The following TEX30 variants were observed in gnomAD, a reference collection of about 807,000 sequenced individuals.
The protein encoded by TEX30 is testis expressed 30, also known as testis-expressed protein 30.
TEX30 carries 14 observed loss-of-function variants against 23.8 expected under a neutral mutation model. That is an observed-to-expected ratio of 0.59 (90% CI 0.39 to 0.92). TEX30 has a LOEUF of 0.92. Among genes scored for constraint, TEX30 ranks in the 40% least tolerant of loss-of-function variants. The pLI is 0.00. For synonymous variants in TEX30, 78 were observed against 90.2 expected (o/e 0.87, Z 0.76); for missense variants, 246 against 270.6 (o/e 0.91, Z 0.64).
chr13:102,772,586 G>GT (rs1277562235), intron 1 of TEX30, among the ~76,000 whole-genome samples: 4 of 152,140 alleles, frequency 2.6e-5, no homozygotes, highest in African/African-American at 7.2e-5. Flanking sequence ...ATCTGGGTTT[G>GT]TTTTTTTGAG....
chr13:102,772,494 C>T (rs1233760835), intron 1 of TEX30, among the ~76,000 whole-genome samples: 1 of 152,154 alleles, frequency 6.6e-6, no homozygotes, highest in African/African-American at 2.4e-5. Flanking sequence ...GTGTTCTTCA[C>T]GGCAGCTGCA....
At position 102,769,000 on chromosome 13, in the gene TEX30, T is replaced by C. The variant is rs143109873; in HGVS notation, c.246+311A>G. On this transcript the variant is annotated intron_variant, in intron 3 of 5. Coordinates refer to ENST00000376032, the MANE Select transcript of TEX30 (RefSeq NM_138779.5). ...GTATCATATTTATACATGCATAGTA[T>C]GGTAGATGAAATATTCTAGAATGCC... 8.5e-3 allele frequency among the ~76,000 whole-genome samples: 1,292 copies of C among 152,330 alleles called. 6 individuals carry two copies. The highest frequency in any genetic ancestry group is 0.015 in the Non-Finnish European group (1,054 of 68,030).
Position 102,767,402 on chromosome 13 carries a change from C to T in TEX30, c.375G>A (p.Arg125=), listed in dbSNP as rs201119598. The part of the protein sequence containing the change: ...IEPDDGDDFV[R]GLICISYPLH... ...GTGGGTAAGAAATACAAATGAGACC[C>T]CGAACAAAATCATCACCATCATCTG... Residue 125 remains arginine, a synonymous_variant, in exon 5 of 6, where the codon CGG becomes CGA. Transcript: ENST00000376032. The T allele has an allele frequency of 3.0e-5, 48 of 1,614,164 alleles. No homozygotes were observed. Among genetic ancestry groups the T allele is most frequent in the Non-Finnish European group, 1.7e-6 (2 of 1,180,030 alleles).
chr13:102,769,156 G>A lies in TEX30; in HGVS notation c.246+155C>T, dbSNP rs550284012. ...AAACTGATGACAAGGGAAATCTGAC[G>A]ACTAAAAAGCTTTCATGTACTGCTG... On this transcript the variant is annotated intron_variant, in intron 3 of 5. Transcript: ENST00000376032. 9.9e-5 allele frequency among the ~76,000 whole-genome samples: 15 copies of A among 152,254 alleles called. No individual in the cohort carries two copies. The South Asian group carries it at 1.0e-3, about 11-fold the overall frequency.
In TEX30 at chr13:102,769,903, T is replaced by C. The variant is rs1199426003; in HGVS notation, c.15+109A>G. On this transcript the variant is annotated intron_variant, in intron 2 of 5. Transcript: ENST00000376032. The stretch of plus-strand genomic sequence containing the variant: ...TCCTCGCTCTTAACCACTTATGCTA[T>C]ACTGCCTCCCACAGTGAAAGTTGAA... 4.1e-6 allele frequency: 4 copies of C among 979,540 alleles called. No homozygotes were observed. The African/African-American group carries it at 5.0e-5, about 12-fold the overall frequency. The allele number at this position is 979,540 out of a possible 1,614,324, so 60.7% of individuals were successfully genotyped here. A position where few individuals can be genotyped will look rare whatever the true frequency, so the allele number is the denominator to read the frequency against.
chr13:102,767,430 T>G lies in TEX30; in HGVS notation c.347A>C (p.Glu116Ala). ...RAAASVMCHI[E>A]PDDGDDFVRG... The stretch of plus-strand genomic sequence containing the variant: ...AACAAAATCATCACCATCATCTGGC[T>G]CAATGTGACACATTACAGAAGCAGC... Residue 116 changes from glutamate (E) to alanine (A), a missense_variant, in exon 5 of 6, where the codon GAG becomes GCG. Transcript: ENST00000376032. 6.2e-7 allele frequency: 1 copy of G among 1,614,158 alleles called. No individual in the cohort carries two copies. Among genetic ancestry groups the G allele is most frequent in the Non-Finnish European group, 8.5e-7 (1 of 1,180,026 alleles).
At position 102,769,415 on chromosome 13, in the gene TEX30, T is replaced by G. The variant is rs1253019025; in HGVS notation, c.142A>C (p.Met48Leu). ...ASGDMNLPHL[M>L]SLASHLASHG... The stretch of plus-strand genomic sequence containing the variant: ...GATGCAAGATGGGATGCCAGTGACA[T>G]CAAATGAGGAAGATTCATATCTCCT... The change falls in exon 3 of 6, where the codon ATG (methionine) becomes CTG (leucine). Residue 48 changes from methionine (M) to leucine (L), a missense_variant. By Grantham distance (15) the Met-to-Leu change is conservative (BLOSUM62 2). Coordinates refer to ENST00000376032, the MANE Select transcript of TEX30 (RefSeq NM_138779.5). 11 of 1,610,992 alleles carry G rather than the reference T, an allele frequency of 6.8e-6. No homozygotes were observed. The highest frequency in any genetic ancestry group is 9.3e-6 in the Non-Finnish European group (11 of 1,179,008).
At chr13:102,773,212 T>G (rs979262119) in intron 1 of TEX30, among the ~76,000 whole-genome samples, 8 of 152,162 alleles carry the variant, frequency 5.3e-5, no homozygotes, top group Non-Finnish European at 1.2e-4. Context: ...GTCCGAGTCT[T>G]ACGGGGGGTC....
Position 102,769,470 on chromosome 13 carries a change from T to C in TEX30, c.87A>G (p.Thr29=), listed in dbSNP as rs773784543. 3.1e-6 allele frequency: 5 copies of C among 1,611,938 alleles called. No individual in the cohort carries two copies. The highest frequency in any genetic ancestry group is 4.2e-6 in the Non-Finnish European group (5 of 1,179,370). ...AVCLVPNKSL[T]YGIILTHGAS... ...CTCCATGTGTAAGAATTATTCCATATGTTAAGCTCTTGTTAGGTACCAAAC... is the reference window on the plus strand; with the variant it reads ...CTCCATGTGTAAGAATTATTCCATACGTTAAGCTCTTGTTAGGTACCAAAC... Residue 29 remains threonine (T), a synonymous_variant, in exon 3 of 6, where the codon ACA becomes ACG. Transcript: ENST00000376032.
At chr13:102,768,200 C>T in intron 4 of TEX30, 60 bp downstream of exon 4, 2 of 1,339,862 alleles carry the variant, frequency 1.5e-6, no homozygotes, top group Admixed American at 4.5e-5. Context: ...TTTAATTCTC[C>T]ATTACCTATT....
chr13:102,768,207 T>G, intron 4 of TEX30, 53 bp downstream of exon 4: 29 of 1,388,150 alleles, frequency 2.1e-5, no homozygotes, highest in Non-Finnish European at 2.9e-5. Context: ...CTCCATTACC[T>G]ATTCCTATAT....
intron 3 of TEX30, among the ~76,000 whole-genome samples, chr13:102,769,055 A>C (rs1877108116): frequency 6.6e-6 from 1 of 152,228 alleles, no homozygotes; most frequent in Non-Finnish European, 1.5e-5. Flanking sequence ...ACATAATTCC[A>C]GGGAGAAAAA....
At chr13:102,770,141 A>G (rs550834213) in intron 1 of TEX30, 55 bp from the exon 2 acceptor site, 3 of 598,766 alleles carry the variant, frequency 5.0e-6, no homozygotes, top group Non-Finnish European at 7.7e-6. Flanking sequence ...ATATGACACA[A>G]AAACTATGAA....
chr13:102,771,942 C>A (rs941740310), intron 1 of TEX30, among the ~76,000 whole-genome samples: 2 of 152,212 alleles, frequency 1.3e-5, no homozygotes, highest in Non-Finnish European at 2.9e-5. Flanking sequence ...TTTGAAGATT[C>A]TGTGGTTAAT....
Position 102,772,358 on chromosome 13 carries a change from G to C in TEX30, c.-61+1324C>G, listed in dbSNP as rs536188798. On this transcript the variant is annotated intron_variant, in intron 1 of 5. Transcript: ENST00000376032. ...ACGAGGGTCTCCCTATGTTTCGCAG[G>C]CTGGTCTTGAACTCCCGGGCTCAAG... is the stretch of plus-strand genomic sequence containing the variant. Among the ~76,000 whole-genome samples, 15 of 152,188 alleles carry C rather than the reference G, an allele frequency of 9.9e-5. No individual in the cohort carries two copies. The East Asian group carries it at 2.9e-3, about 29-fold the overall frequency.
At chr13:102,772,353 C>T (rs1306381527) in intron 1 of TEX30, among the ~76,000 whole-genome samples, 3 of 152,126 alleles carry the variant, frequency 2.0e-5, no homozygotes, top group African/African-American at 4.8e-5. Context: ...CCCTATGTTT[C>T]GCAGGCTGGT....
At chr13:102,770,709 G>A (rs1347032696) in intron 1 of TEX30, 1 of 152,122 alleles carries the variant, frequency 6.6e-6, no homozygotes, top group Non-Finnish European at 1.5e-5. Flanking sequence ...GCTCTAGGTG[G>A]TTTTGCATTT....
chr13:102,773,739 G>A lies in TEX30; in HGVS notation c.-118C>T, dbSNP rs1178250860. 6.6e-6 allele frequency: 1 copy of A among 152,120 alleles called. No homozygotes were observed. The highest frequency in any genetic ancestry group is 2.4e-5 in the African/African-American group (1 of 41,432). 9.4% of individuals were successfully genotyped at this position (152,120 alleles called of 1,614,324 possible). A position where few individuals can be genotyped will look rare whatever the true frequency, so the allele number is the denominator to read the frequency against. ...CCGCCGTCACTCCCTTCAGGGAGCTGACTAGCGCGCTCGAAGCGACCGCCT... is the reference window on the plus strand; with the variant it reads ...CCGCCGTCACTCCCTTCAGGGAGCTAACTAGCGCGCTCGAAGCGACCGCCT... On this transcript the variant is annotated 5_prime_UTR_variant, in exon 1 of 6. Coordinates refer to ENST00000376032, the MANE Select transcript of TEX30 (RefSeq NM_138779.5).
In TEX30 at chr13:102,766,238, G is replaced by T. The variant is rs188074595; in HGVS notation, c.*163C>A. 11 of 548,330 alleles carry T rather than the reference G, an allele frequency of 2.0e-5. No homozygotes were observed. In the Admixed American group the frequency reaches 2.2e-4, roughly 11 times the overall value. 34.0% of individuals were successfully genotyped at this position (548,330 alleles called of 1,614,324 possible). A position where few individuals can be genotyped will look rare whatever the true frequency, so the allele number is the denominator to read the frequency against. ...TACAACTGTAACAGTGCTTTCAAAA[G>T]ACATTTTGTGAAGGACATTAATTTC... On this transcript the variant is annotated 3_prime_UTR_variant, in exon 6 of 6. Transcript: ENST00000376032.
Sources: gnomAD v4.1 joint callset for allele counts (sites outside exome capture counted in the v4.1 genomes callset) on GRCh38, gnomAD v4.1.1 for gene constraint, MANE v1.5 for transcripts, NCBI Gene and HGNC (gene_info 2026-07-23, HGNC 2026-07-21) for gene names.